Variants in ANO4 observed in about 807,000 individuals in gnomAD.
ANO4 encodes anoctamin-4.
In ANO4, 69 loss-of-function variants were observed where a neutral mutation model predicts 141.9. The ratio of observed to expected loss-of-function variants is 0.49; its 90% CI spans 0.40 to 0.59. ANO4 has a LOEUF of 0.59. ANO4 is among the 20% of genes least tolerant of loss of function. The probability of loss-of-function intolerance (pLI) is 0.00; values close to 1 mark genes in which losing one functional copy is unlikely to be tolerated. For synonymous variants in ANO4, 350 were observed against 394.3 expected (o/e 0.89, Z 1.33); for missense variants, 894 against 1,162.2 (o/e 0.77, Z 3.36).
chr12:100,907,897 G>A (rs1432427764), intron 2 of ANO4, among the ~76,000 whole-genome samples: 1 of 152,188 alleles, frequency 6.6e-6, no homozygotes, highest in East Asian at 1.9e-4. Flanking sequence ...GTCAAACGCA[G>A]GCAGTGTAGA....
chr12:100,909,053 C>G (rs1284226766), intron 2 of ANO4, among the ~76,000 whole-genome samples: 1 of 152,070 alleles, frequency 6.6e-6, no homozygotes, highest in Non-Finnish European at 1.5e-5. Flanking sequence ...AGTCAGGGTT[C>G]TTTGTTACCA....
intron 19 of ANO4, among the ~76,000 whole-genome samples, chr12:101,097,434 G>A (rs2050030253): frequency 1.3e-5 from 2 of 152,204 alleles, no homozygotes; most frequent in Admixed American, 1.3e-4. Context: ...ACTGGCTTCT[G>A]CTTTAGGCAG....
chr12:101,048,409 T>A lies in ANO4; in HGVS notation c.1312+8T>A, dbSNP rs1268083851. On this transcript the variant is annotated splice_region_variant and intron_variant, in intron 14 of 27. Coordinates refer to ENST00000392977, the MANE Select transcript of ANO4 (RefSeq NM_001286615.2). The stretch of plus-strand genomic sequence containing the variant: ...TTTTCATGGCAGTCTGGGGTAAGTG[T>A]TCTATAACCATAAAACTTGAGTTTT... 1 of 1,612,754 alleles carries A rather than the reference T, an allele frequency of 6.2e-7. No individual in the cohort carries two copies. Among genetic ancestry groups the A allele is most frequent in the South Asian group, 1.1e-5 (1 of 90,942 alleles).
chr12:100,986,741 T>G (rs897419866), intron 7 of ANO4, among the ~76,000 whole-genome samples: 7 of 152,180 alleles, frequency 4.6e-5, no homozygotes, highest in African/African-American at 1.7e-4. Flanking sequence ...TTGGTGTGGT[T>G]TTTGCGCCTT....
At chr12:100,771,507 T>C (rs978206102) in intron 3 of ANO4, among the ~76,000 whole-genome samples, 4 of 152,174 alleles carry the variant, frequency 2.6e-5, no homozygotes, top group Non-Finnish European at 5.9e-5. Flanking sequence ...TTTTCCCCCA[T>C]GGACTGGTAT....
chr12:100,861,025 A>C (rs1350590974), intron 1 of ANO4, among the ~76,000 whole-genome samples: 1 of 152,194 alleles, frequency 6.6e-6, no homozygotes, highest in Non-Finnish European at 1.5e-5. Flanking sequence ...CTTCCACAGC[A>C]TGGAAGGGGA....
chr12:101,104,967 A>G (rs942635171), intron 22 of ANO4, among the ~76,000 whole-genome samples: 1 of 152,068 alleles, frequency 6.6e-6, no homozygotes, highest in Non-Finnish European at 1.5e-5. Flanking sequence ...TACAAGTTGG[A>G]TTATTCTGAC....
At chr12:100,923,536 T>C (rs1265187166) in intron 3 of ANO4, among the ~76,000 whole-genome samples, 3 of 152,174 alleles carry the variant, frequency 2.0e-5, no homozygotes, top group African/African-American at 4.8e-5. Context: ...CAGTCTATCA[T>C]TGATGGACAT....
intron 22 of ANO4, among the ~76,000 whole-genome samples, chr12:101,100,512 G>T (rs544254590): frequency 3.9e-4 from 59 of 152,236 alleles, no homozygotes; most frequent in Middle Eastern, 3.4e-3. Flanking sequence ...ACCTAGGGAA[G>T]AAATCAATTT....
chr12:101,111,268 T>C (rs963224203), intron 23 of ANO4, among the ~76,000 whole-genome samples: 1 of 152,196 alleles, frequency 6.6e-6, no homozygotes, highest in Admixed American at 6.5e-5. Context: ...CTGGTGGGGC[T>C]TGACATTATG....
At chr12:100,745,497 A>G (rs2135482588) in intron 3 of ANO4, among the ~76,000 whole-genome samples, 1 of 152,316 alleles carries the variant, frequency 6.6e-6, no homozygotes, top group South Asian at 2.1e-4. Context: ...CTCAGTGCAG[A>G]GCTTGGCATG....
chr12:100,834,243 C>T (rs1032900144), intron 1 of ANO4, among the ~76,000 whole-genome samples: 3 of 152,098 alleles, frequency 2.0e-5, no homozygotes, highest in African/African-American at 7.2e-5. Context: ...GGGTTCAGCC[C>T]AGCTACACCA....
chr12:100,954,059 C>T (rs909732382), intron 5 of ANO4, among the ~76,000 whole-genome samples: 9 of 152,190 alleles, frequency 5.9e-5, no homozygotes, highest in African/African-American at 2.2e-4. Context: ...ATCAGTTGAA[C>T]TCTCATTCTG....
At chr12:101,056,830 T>C (rs183541769) in intron 14 of ANO4, among the ~76,000 whole-genome samples, 1 of 148,558 alleles carries the variant, frequency 6.7e-6, no homozygotes, top group Admixed American at 6.8e-5. Context: ...TTTCCTGTAT[T>C]AACTAAGACA....
At chr12:101,059,263 C>T (rs975723097) in intron 14 of ANO4, among the ~76,000 whole-genome samples, 2 of 152,176 alleles carry the variant, frequency 1.3e-5, no homozygotes, top group African/African-American at 4.8e-5. Context: ...ATTCAGTTTT[C>T]CAGTATTTCA....
At chr12:100,878,670 T>G (rs556525516) in intron 1 of ANO4, among the ~76,000 whole-genome samples, 1 of 152,360 alleles carries the variant, frequency 6.6e-6, no homozygotes, top group Admixed American at 6.5e-5. Flanking sequence ...GATTGTCTAC[T>G]GGCAATACTA....
chr12:100,856,272 A>G (rs1488831088), intron 1 of ANO4, among the ~76,000 whole-genome samples: 1 of 152,202 alleles, frequency 6.6e-6, no homozygotes, highest in Non-Finnish European at 1.5e-5. Context: ...CTGTAGATTC[A>G]TGGTAGCCTG....
chr12:101,043,560 A>C lies in ANO4; in HGVS notation c.1176A>C (p.Thr392=). 2 of 1,613,734 alleles carry C rather than the reference A, an allele frequency of 1.2e-6. No homozygotes were observed. Among genetic ancestry groups the C allele is most frequent in the Non-Finnish European group, 1.7e-6 (2 of 1,179,730 alleles). ...SQVSKEVCQA[T]DIIMCPVCDK... is the part of the protein sequence containing the mutation. The stretch of plus-strand genomic sequence containing the variant: ...CCAGTAAAGAAGTCTGCCAAGCTAC[A>C]GATATCATCATGTGTCCTGTGTGTG... The change falls in exon 13 of 28, where the codon ACA becomes ACC. Residue 392 remains threonine, a synonymous_variant. Coordinates refer to ENST00000392977, the MANE Select transcript of ANO4 (RefSeq NM_001286615.2).
In ANO4 at chr12:100,932,874, A is replaced by G. The variant is rs146004672; in HGVS notation, c.161-6441A>G. ...TTGATCCTCGTTGTTCAGTTATAATATGTGAGTCCTTGCTGTTTTGTTCCC... is the reference window on the plus strand; with the variant it reads ...TTGATCCTCGTTGTTCAGTTATAATGTGTGAGTCCTTGCTGTTTTGTTCCC... On this transcript the variant is annotated intron_variant, in intron 3 of 27. Coordinates refer to ENST00000392977, the MANE Select transcript of ANO4 (RefSeq NM_001286615.2). Among the ~76,000 whole-genome samples, 470 of 152,254 alleles carry G rather than the reference A, an allele frequency of 3.1e-3. 4 individuals are homozygous for G. Among genetic ancestry groups the G allele is most frequent in the African/African-American group, 0.01 (419 of 41,548 alleles).
Sources: gnomAD v4.1 joint callset for allele counts (sites outside exome capture counted in the v4.1 genomes callset) on GRCh38, gnomAD v4.1.1 for gene constraint, MANE v1.5 for transcripts, NCBI Gene and HGNC (gene_info 2026-07-23, HGNC 2026-07-21) for gene names.